ROBO1: variants seen among roughly 807,000 people sequenced by gnomAD.
The protein encoded by ROBO1 is roundabout guidance receptor 1, also known as roundabout homolog 1.
ROBO1 carries 149 observed loss-of-function variants against 195.9 expected under a neutral mutation model. The ratio of observed to expected loss-of-function variants is 0.76; its 90% CI spans 0.67 to 0.87. The LOEUF is 0.87. Ranked by LOEUF, ROBO1 falls within the 40% of genes least tolerant of loss-of-function variation. The pLI, the probability that ROBO1 is intolerant of heterozygous loss-of-function variation, is 0.00. For synonymous variants in ROBO1, 816 were observed against 733.2 expected (o/e 1.11, Z -1.82); for missense variants, 1,933 against 2,068.3 (o/e 0.93, Z 1.27).
intron 1 of ROBO1, among the ~76,000 whole-genome samples, chr3:79,623,252 A>T (rs1198892015): frequency 6.6e-6 from 1 of 152,210 alleles, no homozygotes; most frequent in African/African-American, 2.4e-5. Flanking sequence ...AATCAATGAA[A>T]AATTGCTAAA....
chr3:78,783,075 T>A (rs2083727524), intron 4 of ROBO1, among the ~76,000 whole-genome samples: 1 of 152,198 alleles, frequency 6.6e-6, no homozygotes, highest in South Asian at 2.1e-4. Context: ...TTTCCCTTTT[T>A]AAACATTATT....
chr3:79,493,097 G>A (rs1406420028), intron 2 of ROBO1, among the ~76,000 whole-genome samples: 2 of 151,982 alleles, frequency 1.3e-5, no homozygotes, highest in African/African-American at 4.8e-5. Context: ...TTAATTAAGA[G>A]ATTTGGCAAA....
intron 2 of ROBO1, among the ~76,000 whole-genome samples, chr3:79,421,380 TAAAA>T (rs529336248): frequency 1.4e-5 from 2 of 143,380 alleles, no homozygotes; most frequent in East Asian, 4.0e-4. Flanking sequence ...AAATGAAAGT[TAAAA>T]AAAAAAAAGA....
chr3:79,547,013 G>C (rs978272010), intron 2 of ROBO1, among the ~76,000 whole-genome samples: 9 of 151,430 alleles, frequency 5.9e-5, no homozygotes, highest in Non-Finnish European at 1.2e-4. Flanking sequence ...AAACCCATCT[G>C]TACTAAAAAT....
At chr3:79,585,953 A>C (rs1198730968) in intron 2 of ROBO1, among the ~76,000 whole-genome samples, 1 of 143,362 alleles carries the variant, frequency 7.0e-6, no homozygotes, top group Non-Finnish European at 1.5e-5. Flanking sequence ...CGCCATAGAA[A>C]CTAATCACAA....
At chr3:78,892,135 A>G (rs1166024624) in intron 4 of ROBO1, among the ~76,000 whole-genome samples, 1 of 152,198 alleles carries the variant, frequency 6.6e-6, no homozygotes, top group Non-Finnish European at 1.5e-5. Context: ...TGAGGCAGGC[A>G]GATCGCTTGA....
At chr3:79,468,132 T>G (rs535873645) in intron 2 of ROBO1, among the ~76,000 whole-genome samples, 8 of 152,292 alleles carry the variant, frequency 5.3e-5, no homozygotes, top group African/African-American at 1.7e-4. Flanking sequence ...AAATATATAA[T>G]GAAACAAACC....
At chr3:78,718,836 G>C (rs1576012841) in intron 5 of ROBO1, among the ~76,000 whole-genome samples, 2 of 132,332 alleles carry the variant, frequency 1.5e-5, no homozygotes, top group South Asian at 5.2e-4. Context: ...GAGAGGGAGA[G>C]AGGGAGGGAG....
intron 28 of ROBO1, 134 bp downstream of exon 28, chr3:78,614,514 T>A: frequency 2.1e-6 from 2 of 947,158 alleles, no homozygotes; most frequent in South Asian, 4.9e-5. Context: ...GTCGCTTCTA[T>A]AAGTAATATG....
At chr3:79,529,162 C>T (rs1166007526) in intron 2 of ROBO1, among the ~76,000 whole-genome samples, 1 of 152,136 alleles carries the variant, frequency 6.6e-6, no homozygotes, top group Non-Finnish European at 1.5e-5. Context: ...AAAAAAGTTA[C>T]TTCTTATTAA....
intron 2 of ROBO1, among the ~76,000 whole-genome samples, chr3:79,551,793 C>T (rs1942522106): frequency 6.6e-6 from 1 of 151,450 alleles, no homozygotes; most frequent in African/African-American, 2.4e-5. Context: ...GAAAAAGGAC[C>T]TTTCAAAGGA....
At chr3:79,658,241 T>C (rs1445894865) in intron 1 of ROBO1, among the ~76,000 whole-genome samples, 3 of 152,114 alleles carry the variant, frequency 2.0e-5, no homozygotes, top group Non-Finnish European at 4.4e-5. Context: ...ATGTCAGTGG[T>C]GGAATGACTA....
At chr3:79,360,408 T>C (rs2035723556) in intron 2 of ROBO1, among the ~76,000 whole-genome samples, 1 of 152,020 alleles carries the variant, frequency 6.6e-6, no homozygotes, top group Non-Finnish European at 1.5e-5. Context: ...ATGAAGAATT[T>C]TTTTGTACTT....
intron 2 of ROBO1, among the ~76,000 whole-genome samples, chr3:79,314,650 A>C (rs924289061): frequency 6.6e-6 from 1 of 152,322 alleles, no homozygotes; most frequent in Admixed American, 6.5e-5. Flanking sequence ...AATTCTGTTT[A>C]TTCTTTCCAC....
At chr3:79,112,869 T>C (rs572013276) in intron 3 of ROBO1, among the ~76,000 whole-genome samples, 1 of 151,996 alleles carries the variant, frequency 6.6e-6, no homozygotes, top group Admixed American at 6.6e-5. Context: ...CATATGTAAC[T>C]AACCTGCACG....
At chr3:79,539,637 T>A (rs994766008) in intron 2 of ROBO1, among the ~76,000 whole-genome samples, 1 of 152,142 alleles carries the variant, frequency 6.6e-6, no homozygotes, top group Non-Finnish European at 1.5e-5. Flanking sequence ...GGGTGTTTAT[T>A]CAAATCTCTT....
intron 2 of ROBO1, among the ~76,000 whole-genome samples, chr3:79,541,829 G>GTATA (rs59303805): frequency 1.7e-5 from 1 of 57,934 alleles, no homozygotes; most frequent in African/African-American, 6.4e-5. Context: ...GTGTGTGTGT[G>GTATA]TATATATATA....
chr3:79,560,762 C>T (rs1056411491), intron 2 of ROBO1, among the ~76,000 whole-genome samples: 1 of 151,710 alleles, frequency 6.6e-6, no homozygotes. Context: ...ATATAACATG[C>T]CTTTTGCAAA....
chr3:78,930,863 T>C (rs1001285542), intron 4 of ROBO1, among the ~76,000 whole-genome samples: 1 of 152,206 alleles, frequency 6.6e-6, no homozygotes, highest in African/African-American at 2.4e-5. Flanking sequence ...ATAGGTGATG[T>C]TTTAAAATGT....
Sources: allele counts gnomAD v4.1 joint callset (sites outside exome capture counted in the v4.1 genomes callset), GRCh38; gene constraint gnomAD v4.1.1; transcripts MANE v1.5; gene names NCBI Gene and HGNC (gene_info 2026-07-23, HGNC 2026-07-21).